Variants in ATG14 observed in about 807,000 individuals in gnomAD.
The protein encoded by ATG14 is autophagy related 14, also known as beclin 1-associated autophagy-related key regulator.
A neutral mutation model predicts 60.4 loss-of-function variants in ATG14; 35 were observed. The observed-to-expected ratio is 0.58, with a 90% CI of 0.44 to 0.77. The LOEUF (loss-of-function observed/expected upper bound fraction) is 0.77. Ranked by LOEUF, ATG14 falls within the 30% of genes least tolerant of loss-of-function variation. The pLI, the probability that ATG14 is intolerant of heterozygous loss-of-function variation, is 0.00. For missense variants in ATG14, 647 were observed against 626.3 expected, an observed-to-expected ratio of 1.03 and a Z score of -0.35; for synonymous variants, 234 against 228.8, an observed-to-expected ratio of 1.02 and a Z score of -0.21.
chr14:55,370,042 A>G (rs1350947259), intron 9 of ATG14, 117 bp from the exon 10 acceptor site: 9 of 961,438 alleles, frequency 9.4e-6, no homozygotes, highest in Non-Finnish European at 1.4e-5. Flanking sequence ...CACCCCATTC[A>G]TTCCCCAAGT....
chr14:55,405,138 CTT>C (rs1162366415), intron 1 of ATG14, among the ~76,000 whole-genome samples: 1 of 152,184 alleles, frequency 6.6e-6, no homozygotes, highest in African/African-American at 2.4e-5. Context: ...CTGATGAACT[CTT>C]GTCTACCTGT....
rs1884686875 is a variant in ATG14 at position 55,366,695 on chromosome 14, T to C, written c.*2924A>G. On this transcript the variant is annotated 3_prime_UTR_variant, in exon 10 of 10. Transcript: ENST00000247178. The stretch of plus-strand genomic sequence containing the variant: ...TAACAGACCATTTTAAGCAGCCTGT[T>C]TGGTGCCTGTGGGTTTTTATTAGTA... 1 of 152,602 alleles carries C rather than the reference T, an allele frequency of 6.6e-6. No homozygotes were observed. The highest frequency in any genetic ancestry group is 2.4e-5 in the African/African-American group (1 of 41,470). 9.5% of individuals were successfully genotyped at this position (152,602 alleles called of 1,614,324 possible). A position where few individuals can be genotyped will look rare whatever the true frequency, so the allele number is the denominator to read the frequency against.
At chr14:55,402,953 AT>A (rs1566585725) in intron 1 of ATG14, among the ~76,000 whole-genome samples, 1,819 of 77,100 alleles carry the variant, frequency 0.024, 68 homozygotes, top group Non-Finnish European at 0.038. Context: ...ATATATATAT[AT>A]ATATATATAT....
intron 3 of ATG14, among the ~76,000 whole-genome samples, chr14:55,393,630 G>C (rs916266870): frequency 1.3e-5 from 2 of 150,496 alleles, no homozygotes; most frequent in African/African-American, 4.9e-5. Context: ...ACTTCAGCCT[G>C]ACCTCCCTGG....
Position 55,369,658 on chromosome 14 carries a change from C to A in ATG14, c.1440G>T (p.Ser480=), listed in dbSNP as rs377499505. The change falls in exon 10 of 10, where the codon TCG becomes TCT. Residue 480 remains serine (S), a synonymous_variant. Coordinates refer to ENST00000247178, the MANE Select transcript of ATG14 (RefSeq NM_014924.5). ...TGTAAGCTTTAAACCAGGAGGTCAC[C>A]GAGGCTGCTGCAGAGGAGATCATCC... ...AGGMISSAAA[S]VTSWFKAYTG... 6.4e-6 allele frequency: 10 copies of A among 1,550,822 alleles called. No individual in the cohort carries two copies. The South Asian group carries it at 1.2e-4, about 19-fold the overall frequency.
At chr14:55,382,803 C>T (rs1885058181) in intron 5 of ATG14, among the ~76,000 whole-genome samples, 1 of 152,140 alleles carries the variant, frequency 6.6e-6, no homozygotes. Context: ...GTCTCAACAC[C>T]TCTCTACGTG....
At chr14:55,381,372 C>A (rs1013726947) in intron 6 of ATG14, among the ~76,000 whole-genome samples, 2 of 152,158 alleles carry the variant, frequency 1.3e-5, no homozygotes, top group African/African-American at 4.8e-5. Flanking sequence ...ACTACTAAAA[C>A]ACATTACAAA....
chr14:55,377,985 T>C lies in ATG14; in HGVS notation c.1085A>G (p.Gln362Arg). ...NANILYLCFSQHVNLDQLQPL... is the reference protein window; with the variant it reads ...NANILYLCFSRHVNLDQLQPL... ...TAGTTCACAACCTATTTTTCATACCTGAGAAAAACAAAGGTAAAGAATATT... is the reference window on the plus strand; with the variant it reads ...TAGTTCACAACCTATTTTTCATACCCGAGAAAAACAAAGGTAAAGAATATT... Residue 362 changes from glutamine (Q) to arginine (R), a missense_variant and splice_region_variant, in exon 8 of 10, where the codon CAG becomes CGG. Gln to Arg is a conservative substitution (Grantham distance 43, BLOSUM62 1). Coordinates refer to ENST00000247178, the MANE Select transcript of ATG14 (RefSeq NM_014924.5). 1.2e-6 allele frequency: 2 copies of C among 1,607,204 alleles called. No individual in the cohort carries two copies. Among genetic ancestry groups the C allele is most frequent in the Non-Finnish European group, 8.5e-7 (1 of 1,175,182 alleles).
intron 1 of ATG14, among the ~76,000 whole-genome samples, chr14:55,398,418 C>G (rs896668253): frequency 6.6e-6 from 1 of 152,088 alleles, no homozygotes; most frequent in Non-Finnish European, 1.5e-5. Context: ...TTTAAAATCT[C>G]CTTCTATGCA....
intron 7 of ATG14, among the ~76,000 whole-genome samples, chr14:55,379,315 C>T (rs191051833): frequency 1.0e-3 from 154 of 152,022 alleles, no homozygotes; most frequent in African/African-American, 3.6e-3. Flanking sequence ...GAGGGCGGAT[C>T]GCTTGAGCCC....
intron 5 of ATG14, among the ~76,000 whole-genome samples, chr14:55,385,377 C>T (rs1431402191): frequency 1.3e-5 from 2 of 152,304 alleles, no homozygotes; most frequent in East Asian, 1.9e-4. Context: ...ACTGCGACCT[C>T]GGCCTCCTGG....
chr14:55,403,930 A>T (rs1016513242), intron 1 of ATG14, among the ~76,000 whole-genome samples: 3 of 152,236 alleles, frequency 2.0e-5, no homozygotes, highest in African/African-American at 7.2e-5. Flanking sequence ...TAAATTTAAA[A>T]TTCAAAATAC....
At chr14:55,385,200 C>T (rs72717746) in intron 5 of ATG14, among the ~76,000 whole-genome samples, 1,709 of 152,288 alleles carry the variant, frequency 0.011, 14 homozygotes, top group Middle Eastern at 0.027. Context: ...ATTTATCAGA[C>T]AAGGAAATCA....
At chr14:55,397,486 A>T (rs768181070) in intron 1 of ATG14, 52 bp from the exon 2 acceptor site, 4 of 1,378,882 alleles carry the variant, frequency 2.9e-6, no homozygotes, top group Non-Finnish European at 4.1e-6. Context: ...TTTCAGTTCA[A>T]TGAGACTATG....
chr14:55,377,733 G>T, intron 9 of ATG14, 86 bp downstream of exon 9: 1 of 951,238 alleles, frequency 1.1e-6, no homozygotes, highest in Non-Finnish European at 1.6e-6. Context: ...TTGGGATTAG[G>T]GAACACGACT....
At chr14:55,382,252 T>C in intron 5 of ATG14, 61 bp from the exon 6 acceptor site, 1 of 1,474,412 alleles carries the variant, frequency 6.8e-7, no homozygotes, top group Non-Finnish European at 9.5e-7. Context: ...GCATGCAATA[T>C]AACTGCAAGA....
chr14:55,394,425 CT>C (rs1353827327), intron 3 of ATG14, among the ~76,000 whole-genome samples: 35 of 152,172 alleles, frequency 2.3e-4, no homozygotes, highest in African/African-American at 6.3e-4. Context: ...TATTTTAATT[CT>C]TTTTTAAAGT....
At position 55,369,548 on chromosome 14, in the gene ATG14, A is replaced by G; in HGVS notation, c.*71T>C. ...CAGACACTATCTTAACTTAAACAGA[A>G]AATGTTTACTAGAGTGTAGTGGGAG... On this transcript the variant is annotated 3_prime_UTR_variant, in exon 10 of 10. Coordinates refer to ENST00000247178, the MANE Select transcript of ATG14 (RefSeq NM_014924.5). 1 of 1,321,916 alleles carries G rather than the reference A, an allele frequency of 7.6e-7. No individual in the cohort carries two copies. Among genetic ancestry groups the G allele is most frequent in the Non-Finnish European group, 1.0e-6 (1 of 987,166 alleles). 81.9% of individuals were successfully genotyped at this position (1,321,916 alleles called of 1,614,324 possible).
chr14:55,375,487 T>A (rs1884900566), intron 9 of ATG14, among the ~76,000 whole-genome samples: 1 of 96,620 alleles, frequency 1.0e-5, no homozygotes, highest in South Asian at 3.4e-4. Flanking sequence ...CACGCCGGGC[T>A]AAATTTTTTT....
Sources: gnomAD v4.1 joint callset for allele counts (sites outside exome capture counted in the v4.1 genomes callset) on GRCh38, gnomAD v4.1.1 for gene constraint, MANE v1.5 for transcripts, NCBI Gene and HGNC (gene_info 2026-07-23, HGNC 2026-07-21) for gene names.